EVA1A: variants seen among roughly 807,000 people sequenced by gnomAD.
EVA1A encodes protein eva-1 homolog A.
Under a neutral mutation model 9.8 loss-of-function variants are expected in EVA1A, and 7 were observed. The observed-to-expected ratio is 0.71, with a 90% CI of 0.41 to 1.34. The LOEUF is 1.34. EVA1A is among the 40% of genes most tolerant of loss of function. EVA1A has a pLI of 0.01. For synonymous variants in EVA1A, 90 were observed against 85.6 expected (o/e 1.05, Z -0.28); for missense variants, 206 against 205.9 (o/e 1.00, Z 0.00).
chr2:75,545,061 T>C (rs1379161811), intron 1 of EVA1A, among the ~76,000 whole-genome samples: 3 of 152,220 alleles, frequency 2.0e-5, no homozygotes, highest in Non-Finnish European at 2.9e-5. Context: ...CAAGCTAATA[T>C]ATATAACAAA....
At chr2:75,551,638 A>G (rs190184166) in intron 1 of EVA1A, among the ~76,000 whole-genome samples, 1 of 152,334 alleles carries the variant, frequency 6.6e-6, no homozygotes, top group Admixed American at 6.5e-5. Context: ...TCCTAGGTCC[A>G]TGACTTATAG....
chr2:75,492,411 T>TA lies in EVA1A; in HGVS notation c.*824dup, dbSNP rs3081153. On this transcript the variant is annotated 3_prime_UTR_variant, in exon 4 of 4. Transcript: ENST00000393913. The stretch of plus-strand genomic sequence containing the variant: ...TCCATTCTTTTCTTTGAAATCCAAT[T>TA]AAAAAAAAAAAAAAAAACAAAGTGT... The TA allele has an allele frequency of 0.28, 38,118 of 138,082 alleles. 5,959 individuals carry two copies. Among genetic ancestry groups the TA allele is most frequent in the South Asian group, 0.37 (1,579 of 4,248 alleles). 8.6% of individuals were successfully genotyped at this position (138,082 alleles called of 1,614,324 possible).
At position 75,559,786 on chromosome 2, in the gene EVA1A, G is replaced by A. The variant is rs1488132210; in HGVS notation, c.-192+894C>T. On this transcript the variant is annotated intron_variant, in intron 1 of 3. Coordinates refer to ENST00000393913, the MANE Select transcript of EVA1A (RefSeq NM_001135032.2). ...AGGGCTGGACTTGAAGTGTATGTGT[G>A]GTATAGACCAGCTAGGACCCAAATC... 2.0e-5 allele frequency among the ~76,000 whole-genome samples: 3 copies of A among 151,818 alleles called. No homozygotes were observed. In the East Asian group the frequency reaches 5.8e-4, roughly 29 times the overall value.
chr2:75,525,218 A>G (rs1001688223), intron 1 of EVA1A, among the ~76,000 whole-genome samples: 3 of 152,054 alleles, frequency 2.0e-5, no homozygotes, highest in Admixed American at 6.6e-5. Flanking sequence ...CAATCTCTCT[A>G]TCTTTTGATC....
Position 75,493,290 on chromosome 2 carries a change from C to G in EVA1A, c.405G>C (p.Trp135Cys). The change falls in exon 4 of 4, where the codon TGG becomes TGC. Residue 135 changes from tryptophan (W) to cysteine (C), a missense_variant. Physicochemically the swap from Trp to Cys is radical, Grantham distance 215. Coordinates refer to ENST00000393913, the MANE Select transcript of EVA1A (RefSeq NM_001135032.2). ...CGGGCACCTCAGGCTGGCCATTCAT[C>G]CAGATCTCCCTGATGATGCGCTCGC... is the stretch of plus-strand genomic sequence containing the variant. Reference protein sequence around the residue: ...EERERIIREIWMNGQPEVPGT... With the variant: ...EERERIIREICMNGQPEVPGT... The G allele has an allele frequency of 6.2e-7, 1 of 1,614,058 alleles. No individual in the cohort carries two copies. The highest frequency in any genetic ancestry group is 8.5e-7 in the Non-Finnish European group (1 of 1,179,962).
intron 3 of EVA1A, among the ~76,000 whole-genome samples, chr2:75,499,379 G>A (rs1255339716): frequency 1.3e-5 from 2 of 152,170 alleles, no homozygotes; most frequent in Non-Finnish European, 2.9e-5. Context: ...CAATCTCAGA[G>A]AGTGCAGAAT....
chr2:75,500,055 G>A (rs559293152), intron 3 of EVA1A, among the ~76,000 whole-genome samples: 3 of 152,164 alleles, frequency 2.0e-5, no homozygotes, highest in African/African-American at 4.8e-5. Context: ...CCCCCATTTC[G>A]CTAAAGTCAA....
chr2:75,535,579 G>A (rs558266489), intron 1 of EVA1A, among the ~76,000 whole-genome samples: 8 of 152,172 alleles, frequency 5.3e-5, no homozygotes, highest in Non-Finnish European at 1.2e-4. Context: ...TGATGTGTAT[G>A]TAATTCATTC....
At chr2:75,537,445 A>G (rs1173905180) in intron 1 of EVA1A, among the ~76,000 whole-genome samples, 1 of 152,194 alleles carries the variant, frequency 6.6e-6, no homozygotes, top group African/African-American at 2.4e-5. Context: ...AATCAACACA[A>G]CACTGTAAGT....
intron 1 of EVA1A, among the ~76,000 whole-genome samples, chr2:75,554,956 C>T (rs1676649923): frequency 1.3e-5 from 2 of 152,230 alleles, no homozygotes; most frequent in African/African-American, 4.8e-5. Context: ...AGACCATGAG[C>T]ATCTTGAGGT....
At chr2:75,509,077 G>A (rs910982639) in intron 3 of EVA1A, among the ~76,000 whole-genome samples, 1 of 152,128 alleles carries the variant, frequency 6.6e-6, no homozygotes, top group Non-Finnish European at 1.5e-5. Context: ...TAGCTGTGAT[G>A]CCTGTGCAAA....
At chr2:75,568,876 T>C (rs1677075159) in intron 1 of EVA1A, among the ~76,000 whole-genome samples, 1 of 152,234 alleles carries the variant, frequency 6.6e-6, no homozygotes. Flanking sequence ...AGCACTTAAA[T>C]ATGCAAAGAT....
At chr2:75,560,252 G>C (rs1039398284) in intron 1 of EVA1A, among the ~76,000 whole-genome samples, 8 of 152,268 alleles carry the variant, frequency 5.3e-5, no homozygotes, top group Admixed American at 3.9e-4. Context: ...CAGGTAAATA[G>C]TCCACGGTGC....
At chr2:75,527,699 G>T (rs1156749860) in intron 1 of EVA1A, among the ~76,000 whole-genome samples, 1 of 152,054 alleles carries the variant, frequency 6.6e-6, no homozygotes, top group Non-Finnish European at 1.5e-5. Flanking sequence ...CCTCAGCAAA[G>T]AAATAAAAAG....
upstream of EVA1A, among the ~76,000 whole-genome samples, chr2:75,565,664 T>A (rs1436768298): frequency 6.6e-6 from 1 of 152,128 alleles, no homozygotes; most frequent in Non-Finnish European, 1.5e-5. Context: ...AACTTCCAGC[T>A]CTTATTAATT....
At chr2:75,523,574 T>C (rs1050755520) in intron 1 of EVA1A, among the ~76,000 whole-genome samples, 7 of 152,202 alleles carry the variant, frequency 4.6e-5, no homozygotes, top group African/African-American at 7.2e-5. Context: ...ACATCTAACA[T>C]GCCAGCCTGC....
At chr2:75,497,850 CAAAAAA>C (rs33933086) in intron 3 of EVA1A, among the ~76,000 whole-genome samples, 2 of 66,854 alleles carry the variant, frequency 3.0e-5, no homozygotes, top group African/African-American at 6.7e-5. Context: ...GATCCTGTCT[CAAAAAA>C]AAAAAAAAAA....
intron 1 of EVA1A, among the ~76,000 whole-genome samples, chr2:75,528,621 A>T (rs2103883483): frequency 6.6e-6 from 1 of 152,210 alleles, no homozygotes; most frequent in South Asian, 2.1e-4. Context: ...TGCAGGCACC[A>T]CCCAAGAAGA....
chr2:75,518,157 A>T lies in EVA1A; in HGVS notation c.-17T>A. The T allele has an allele frequency of 1.2e-6, 2 of 1,612,434 alleles. No individual in the cohort carries two copies. Among genetic ancestry groups the T allele is most frequent in the South Asian group, 2.2e-5 (2 of 90,826 alleles). On this transcript the variant is annotated 5_prime_UTR_variant, in exon 3 of 4. Coordinates refer to ENST00000393913, the MANE Select transcript of EVA1A (RefSeq NM_001135032.2). Reference sequence around the variant, plus strand: ...CAGCCTCATGGGACATCCAGAGGGGACCTCCTGGAGGTGCTTGGCTGAATC... The same window carrying T: ...CAGCCTCATGGGACATCCAGAGGGGTCCTCCTGGAGGTGCTTGGCTGAATC...
Sources: gnomAD v4.1 joint callset for allele counts (sites outside exome capture counted in the v4.1 genomes callset) on GRCh38, gnomAD v4.1.1 for gene constraint, MANE v1.5 for transcripts, NCBI Gene and HGNC (gene_info 2026-07-23, HGNC 2026-07-21) for gene names.